The following RHOU variants were observed in gnomAD, a reference collection of about 807,000 sequenced individuals.
The protein encoded by RHOU is rho-related GTP-binding protein RhoU.
A neutral mutation model predicts 12.6 loss-of-function variants in RHOU; 8 were observed. The ratio of observed to expected loss-of-function variants is 0.64; its 90% CI spans 0.37 to 1.15. RHOU has a LOEUF of 1.15. Ranked by LOEUF, RHOU falls within the 50% of genes most tolerant of loss-of-function variation. The pLI, the probability that RHOU is intolerant of heterozygous loss-of-function variation, is 0.01. For synonymous variants in RHOU, 161 were observed against 147.4 expected (o/e 1.09, Z -0.67); for missense variants, 258 against 347.0 (o/e 0.74, Z 2.04).
the RHOU span, among the ~76,000 whole-genome samples, chr1:228,704,036 A>C: frequency 1.3e-5 from 2 of 152,190 alleles, no homozygotes; most frequent in Non-Finnish European, 2.9e-5. Flanking sequence ...AGACAAATGC[A>C]TATCTGATTG....
At chr1:228,696,932 A>G in the RHOU span, among the ~76,000 whole-genome samples, 5 of 152,196 alleles carry the variant, frequency 3.3e-5, no homozygotes, top group African/African-American at 4.8e-5. Context: ...GAAAGTTGGC[A>G]TATAAGAAAT....
chr1:228,728,635 A>G, the RHOU span, among the ~76,000 whole-genome samples: 2 of 152,250 alleles, frequency 1.3e-5, no homozygotes, highest in African/African-American at 2.4e-5. Flanking sequence ...GCAAATAACC[A>G]TGAGTTCTGT....
chr1:228,736,499 C>T (rs1048955495), intron 1 of RHOU, among the ~76,000 whole-genome samples: 1 of 151,996 alleles, frequency 6.6e-6, no homozygotes, highest in African/African-American at 2.4e-5. Flanking sequence ...TAAAGAGCCG[C>T]GGAGACGCCG....
chr1:228,690,383 T>C, the RHOU span, among the ~76,000 whole-genome samples: 2 of 151,966 alleles, frequency 1.3e-5, no homozygotes, highest in South Asian at 4.2e-4. Flanking sequence ...TGGAGTGCAA[T>C]GGCATGATCT....
At chr1:228,705,525 T>G in the RHOU span, among the ~76,000 whole-genome samples, 1 of 152,314 alleles carries the variant, frequency 6.6e-6, no homozygotes, top group South Asian at 2.1e-4. Context: ...TGCCTAGGTA[T>G]GTAAGAAAAA....
At chr1:228,653,579 A>T in the RHOU span, among the ~76,000 whole-genome samples, 30 of 152,128 alleles carry the variant, frequency 2.0e-4, no homozygotes, top group Non-Finnish European at 4.0e-4. Flanking sequence ...TCGGCCTCCC[A>T]AAGTGCTGAG....
In RHOU at chr1:228,746,197, C is replaced by T. The variant is rs926822210; in HGVS notation, c.*2457C>T. Reference sequence around the variant, plus strand: ...AGATTTTCCTCCATTTTTATTTCTTCGTGAACATAGAGTTTGGGGCCGAAA... The same window carrying T: ...AGATTTTCCTCCATTTTTATTTCTTTGTGAACATAGAGTTTGGGGCCGAAA... On this transcript the variant is annotated 3_prime_UTR_variant, in exon 3 of 3. Coordinates refer to ENST00000366691, the MANE Select transcript of RHOU (RefSeq NM_021205.6). 1 of 152,088 alleles carries T rather than the reference C, an allele frequency of 6.6e-6. No homozygotes were observed. Among genetic ancestry groups the T allele is most frequent in the Non-Finnish European group, 1.5e-5 (1 of 68,018 alleles). 9.4% of individuals were successfully genotyped at this position (152,088 alleles called of 1,614,324 possible).
chr1:228,671,712 CAAAAAA>C, the RHOU span, among the ~76,000 whole-genome samples: 5,346 of 65,248 alleles, frequency 0.082, 306 homozygotes, highest in African/African-American at 0.22. Flanking sequence ...GACTCCATCT[CAAAAAA>C]AAAAAAAAAA....
chr1:228,690,627 G>T, the RHOU span, among the ~76,000 whole-genome samples: 2 of 139,224 alleles, frequency 1.4e-5, no homozygotes, highest in African/African-American at 5.4e-5. Flanking sequence ...CGGCTGTTTG[G>T]TTTTTTTTGA....
the RHOU span, among the ~76,000 whole-genome samples, chr1:228,657,437 A>G: frequency 6.6e-6 from 1 of 152,322 alleles, no homozygotes; most frequent in African/African-American, 2.4e-5. Context: ...AAGACAAAGA[A>G]GGGCATATAT....
the RHOU span, among the ~76,000 whole-genome samples, chr1:228,691,511 T>C: frequency 7.2e-5 from 11 of 151,816 alleles, no homozygotes; most frequent in Middle Eastern, 3.4e-3. Flanking sequence ...TGGAATCTTA[T>C]AGTGTGTGGC....
chr1:228,648,836 CTCTT>C, the RHOU span, among the ~76,000 whole-genome samples: 69 of 149,416 alleles, frequency 4.6e-4, no homozygotes, highest in African/African-American at 1.6e-3. Flanking sequence ...TGTTTTTTCT[CTCTT>C]TCTTTCTCTT....
chr1:228,714,740 C>CTTTTTTTTTTTT, the RHOU span, among the ~76,000 whole-genome samples: 4 of 83,710 alleles, frequency 4.8e-5, no homozygotes, highest in Admixed American at 1.5e-4. Flanking sequence ...TGTTAATTAT[C>CTTTTTTTTTTTT]TTTTTTTTTT....
the RHOU span, among the ~76,000 whole-genome samples, chr1:228,726,664 CAA>C: frequency 4.0e-4 from 41 of 102,118 alleles, no homozygotes; most frequent in Admixed American, 2.0e-3. Context: ...GACTCCATCT[CAA>C]AAAAAAAAAA....
the RHOU span, among the ~76,000 whole-genome samples, chr1:228,682,212 G>A: frequency 1.3e-5 from 2 of 152,192 alleles, no homozygotes; most frequent in Admixed American, 1.3e-4. Context: ...CTGTTTACCC[G>A]ATTTGAAATT....
chr1:228,660,124 A>C, the RHOU span, among the ~76,000 whole-genome samples: 1 of 152,072 alleles, frequency 6.6e-6, no homozygotes, highest in South Asian at 2.1e-4. Context: ...ACTGTGCTCC[A>C]GCCTGGGTGA....
Position 228,744,368 on chromosome 1 carries a change from G to A in RHOU, c.*628G>A, listed in dbSNP as rs6426514. On this transcript the variant is annotated 3_prime_UTR_variant, in exon 3 of 3. Coordinates refer to ENST00000366691, the MANE Select transcript of RHOU (RefSeq NM_021205.6). ...CATCCCACTGACTGTATGGCACTCTGTAGTCAAAAAAGGAAACTTCCTTAT... is the reference window on the plus strand; with the variant it reads ...CATCCCACTGACTGTATGGCACTCTATAGTCAAAAAAGGAAACTTCCTTAT... The A allele has an allele frequency of 0.097, 14,751 of 152,234 alleles. 780 individuals are homozygous for A. The highest frequency in any genetic ancestry group is 0.22 in the Middle Eastern group (63 of 292). The allele number at this position is 152,234 out of a possible 1,614,324, so 9.4% of individuals were successfully genotyped here.
At chr1:228,668,204 A>T in the RHOU span, among the ~76,000 whole-genome samples, 1 of 152,366 alleles carries the variant, frequency 6.6e-6, no homozygotes, top group Non-Finnish European at 1.5e-5. Context: ...GGACAGAAGC[A>T]TCTGTGCTTG....
chr1:228,714,740 CTTTTTTTTTTT>C, the RHOU span, among the ~76,000 whole-genome samples: 1 of 83,686 alleles, frequency 1.2e-5, no homozygotes, highest in Non-Finnish European at 2.2e-5. Flanking sequence ...TGTTAATTAT[CTTTTTTTTTTT>C]TTTTTTTTTT....
Sources: allele counts gnomAD v4.1 joint callset (sites outside exome capture counted in the v4.1 genomes callset), GRCh38; gene constraint gnomAD v4.1.1; transcripts MANE v1.5; gene names NCBI Gene and HGNC (gene_info 2026-07-23, HGNC 2026-07-21).